Variants in SLC39A12 observed in about 807,000 individuals in gnomAD.
SLC39A12 encodes the protein solute carrier family 39 member 12, also known as zinc transporter ZIP12.
A neutral mutation model predicts 71.1 loss-of-function variants in SLC39A12; 63 were observed. The observed-to-expected ratio is 0.89, with a 90% CI of 0.72 to 1.09. SLC39A12 has a LOEUF of 1.09. Ranked by LOEUF, SLC39A12 falls within the 50% of genes least tolerant of loss-of-function variation. The pLI, the probability that SLC39A12 is intolerant of heterozygous loss-of-function variation, is 0.00. For synonymous variants in SLC39A12, 351 were observed against 301.3 expected (o/e 1.16, Z -1.71); for missense variants, 892 against 812.6 (o/e 1.10, Z -1.19).
intron 7 of SLC39A12, among the ~76,000 whole-genome samples, chr10:17,989,134 G>T (rs7922102): frequency 0.3 from 46,116 of 151,986 alleles, 8,071 homozygotes; most frequent in Non-Finnish European, 0.4. Context: ...CAGATGAGGT[G>T]TTCTCTTCCC....
chr10:18,026,669 T>G (rs1382486952), intron 12 of SLC39A12, among the ~76,000 whole-genome samples: 1 of 152,122 alleles, frequency 6.6e-6, no homozygotes, highest in East Asian at 1.9e-4. Context: ...CTTTTGTAGT[T>G]GTCCCATAGT....
chr10:18,029,610 C>T (rs1248477013), intron 12 of SLC39A12, among the ~76,000 whole-genome samples: 1 of 152,192 alleles, frequency 6.6e-6, no homozygotes, highest in African/African-American at 2.4e-5. Flanking sequence ...TTCTTTTTCT[C>T]TGTACCTTTA....
At chr10:18,027,580 T>G (rs1836714002) in intron 12 of SLC39A12, among the ~76,000 whole-genome samples, 1 of 152,208 alleles carries the variant, frequency 6.6e-6, no homozygotes, top group Admixed American at 6.5e-5. Flanking sequence ...AGGCTGAGCT[T>G]TCAGCAATTC....
intron 12 of SLC39A12, among the ~76,000 whole-genome samples, chr10:18,027,414 A>T (rs1345819742): frequency 1.3e-5 from 2 of 152,234 alleles, no homozygotes; most frequent in Non-Finnish European, 2.9e-5. Flanking sequence ...GGTATATTTC[A>T]AAATGATTAT....
intron 4 of SLC39A12, among the ~76,000 whole-genome samples, chr10:17,972,804 C>T (rs1457855588): frequency 2.0e-5 from 3 of 151,626 alleles, no homozygotes; most frequent in African/African-American, 7.3e-5. Context: ...TAGTCTGTGT[C>T]TTTTGATTGG....
Position 18,036,767 on chromosome 10 carries a change from TATATATATATATATA to T in SLC39A12, c.1948-5937_1948-5923del, listed in dbSNP as rs1837043694. 1.0e-4 allele frequency among the ~76,000 whole-genome samples: 7 copies of T among 68,718 alleles called. 2 individuals are homozygous for T. Among genetic ancestry groups the T allele is most frequent in the Non-Finnish European group, 7.8e-5 (3 of 38,332 alleles). The allele number at this position is 68,718 out of a possible 152,430, so 45.1% of individuals were successfully genotyped here. On this transcript the variant is annotated intron_variant, in intron 12 of 12. Coordinates refer to ENST00000377369, the MANE Select transcript of SLC39A12 (RefSeq NM_001145195.2). The stretch of plus-strand genomic sequence containing the variant: ...AAAATTATATATATATATATATATA[TATATATATATATATA>T]TATATATATATATTTTTTTTTTTAA...
At chr10:17,956,903 A>T (rs1320575117) in intron 2 of SLC39A12, among the ~76,000 whole-genome samples, 1 of 152,198 alleles carries the variant, frequency 6.6e-6, no homozygotes, top group Non-Finnish European at 1.5e-5. Context: ...TACAGACCCT[A>T]AAGAGCCAGT....
chr10:17,980,244 TC>T (rs1358047476), intron 5 of SLC39A12, among the ~76,000 whole-genome samples: 2 of 152,128 alleles, frequency 1.3e-5, no homozygotes, highest in African/African-American at 4.8e-5. Context: ...AAACTTTGTA[TC>T]CATGAAATCA....
At position 17,965,805 on chromosome 10, in the gene SLC39A12, A is replaced by T. The variant is rs898210492; in HGVS notation, c.751+115A>T. ...TTCGTTCAGGTATGTTTTAAATACC[A>T]TTTTTTATAGAGTCATAAAGTCAGA... is the stretch of plus-strand genomic sequence containing the variant. On this transcript the variant is annotated intron_variant, in intron 4 of 12. Transcript: ENST00000377369. 2.2e-5 allele frequency: 18 copies of T among 829,372 alleles called. No homozygotes were observed. The African/African-American group carries it at 2.9e-4, about 13-fold the overall frequency. 51.4% of individuals were successfully genotyped at this position (829,372 alleles called of 1,614,324 possible).
At chr10:18,032,849 T>C (rs1287199671) in intron 12 of SLC39A12, among the ~76,000 whole-genome samples, 2 of 142,214 alleles carry the variant, frequency 1.4e-5, no homozygotes, top group African/African-American at 2.6e-5. Flanking sequence ...ATTGAGAGTT[T>C]TTAGCATGAA....
intron 1 of SLC39A12, among the ~76,000 whole-genome samples, chr10:17,952,654 A>C (rs1834433430): frequency 6.6e-6 from 1 of 151,568 alleles, no homozygotes. Context: ...TACCTGGCTA[A>C]TTTTTGTATT....
intron 4 of SLC39A12, among the ~76,000 whole-genome samples, chr10:17,969,356 A>G (rs1261955094): frequency 6.6e-6 from 1 of 152,114 alleles, no homozygotes. Flanking sequence ...TTTTTTTGAG[A>G]AACCTCCCGA....
At chr10:17,988,295 G>A (rs1031881189) in intron 7 of SLC39A12, among the ~76,000 whole-genome samples, 1 of 152,166 alleles carries the variant, frequency 6.6e-6, no homozygotes, top group Non-Finnish European at 1.5e-5. Context: ...GTGACAGAGC[G>A]AGACTCTGTC....
chr10:17,993,777 C>T (rs1835615942), intron 9 of SLC39A12, among the ~76,000 whole-genome samples: 1 of 152,194 alleles, frequency 6.6e-6, no homozygotes. Flanking sequence ...AAATTTTCCA[C>T]AACAAAATCT....
intron 12 of SLC39A12, among the ~76,000 whole-genome samples, chr10:18,029,224 G>A (rs1169809483): frequency 6.6e-6 from 1 of 152,126 alleles, no homozygotes; most frequent in Non-Finnish European, 1.5e-5. Flanking sequence ...CTACTTAGCA[G>A]TTAGCCATCC....
intron 12 of SLC39A12, among the ~76,000 whole-genome samples, chr10:18,015,397 G>T (rs530277923): frequency 2.3e-4 from 35 of 152,030 alleles, no homozygotes; most frequent in African/African-American, 8.0e-4. Context: ...ATACTCAAAA[G>T]ATGTTTTTTT....
intron 12 of SLC39A12, among the ~76,000 whole-genome samples, chr10:18,040,421 A>G (rs1188276233): frequency 6.6e-6 from 1 of 152,078 alleles, no homozygotes; most frequent in South Asian, 2.1e-4. Context: ...ACTACCTAAG[A>G]TGAAGAAATA....
At chr10:18,036,354 G>A (rs1442458119) in intron 12 of SLC39A12, among the ~76,000 whole-genome samples, 3 of 152,262 alleles carry the variant, frequency 2.0e-5, no homozygotes, top group South Asian at 2.1e-4. Flanking sequence ...CTCGTGGTGC[G>A]CCGTTTTTTT....
At chr10:18,034,080 C>T (rs1449900523) in intron 12 of SLC39A12, among the ~76,000 whole-genome samples, 2 of 151,060 alleles carry the variant, frequency 1.3e-5, no homozygotes. Context: ...AGTATGTGGT[C>T]AATTTTGGAA....
Sources: gnomAD v4.1 joint callset for allele counts (sites outside exome capture counted in the v4.1 genomes callset) on GRCh38, gnomAD v4.1.1 for gene constraint, MANE v1.5 for transcripts, NCBI Gene and HGNC (gene_info 2026-07-23, HGNC 2026-07-21) for gene names.